CFAP46: variants seen among roughly 807,000 people sequenced by gnomAD.
CFAP46 encodes the protein cilia- and flagella-associated protein 46.
In CFAP46, 245 loss-of-function variants were observed where a neutral mutation model predicts 325.7. The ratio of observed to expected loss-of-function variants is 0.75; its 90% CI spans 0.68 to 0.84. CFAP46 has a LOEUF of 0.84. Among genes scored for constraint, CFAP46 ranks in the 40% least tolerant of loss-of-function variants. The pLI is 0.00. For missense variants in CFAP46, 3,346 were observed against 3,543.0 expected (o/e 0.94, Z 1.41); for synonymous variants, 1,523 against 1,495.9 (o/e 1.02, Z -0.42).
chr10:132,836,684 T>C lies in CFAP46; in HGVS notation c.6536+133A>G. 2.0e-5 allele frequency: 15 copies of C among 756,850 alleles called. No homozygotes were observed. In the South Asian group the frequency reaches 2.3e-4, roughly 12 times the overall value. The allele number at this position is 756,850 out of a possible 1,614,324, so 46.9% of individuals were successfully genotyped here. A position where few individuals can be genotyped will look rare whatever the true frequency, so the allele number is the denominator to read the frequency against. On this transcript the variant is annotated intron_variant, in intron 45 of 57. Transcript: ENST00000368586. Reference sequence around the variant, plus strand: ...TGTCTGTCCGGCACCTTCTTGGGACTGTCCGGGCGTTTCCCGAGTCCCAGG... The same window carrying C: ...TGTCTGTCCGGCACCTTCTTGGGACCGTCCGGGCGTTTCCCGAGTCCCAGG...
At position 132,869,021 on chromosome 10, in the gene CFAP46, CCT is replaced by C. The variant is rs1432075324; in HGVS notation, c.4610+251_4610+252del. Among the ~76,000 whole-genome samples the C allele has an allele frequency of 1.3e-5, 2 of 152,242 alleles. No homozygotes were observed. The highest frequency in any genetic ancestry group is 2.9e-5 in the Non-Finnish European group (2 of 68,042). On this transcript the variant is annotated intron_variant, in intron 33 of 57. Coordinates refer to ENST00000368586, the MANE Select transcript of CFAP46 (RefSeq NM_001200049.3). The surrounding 1 kb of genome is among the most constrained non-coding windows in gnomAD (Gnocchi z 6.2). The stretch of plus-strand genomic sequence containing the variant: ...AGGGCCCGGCAGCCAGCCTTTCTGT[CCT>C]CCGGGGAGGGGCTCGGGCCACCCTG...
intron 28 of CFAP46, 140 bp from the exon 29 acceptor site, chr10:132,879,771 G>A (rs763832037): frequency 3.9e-5 from 33 of 842,354 alleles, no homozygotes; most frequent in East Asian, 2.7e-4. Context: ...GCTGAGGGCC[G>A]GCAGCCAGGG....
At chr10:132,879,160 C>T (rs1419618522) in intron 29 of CFAP46, among the ~76,000 whole-genome samples, 5 of 152,130 alleles carry the variant, frequency 3.3e-5, no homozygotes, top group Admixed American at 2.6e-4. Context: ...CGAGCCCCTC[C>T]CTTGGGGAGT....
intron 41 of CFAP46, among the ~76,000 whole-genome samples, chr10:132,848,390 A>C (rs1430586252): frequency 2.0e-5 from 3 of 152,182 alleles, no homozygotes; most frequent in Middle Eastern, 3.2e-3. Flanking sequence ...GCAGAGAGAG[A>C]GCTGCCAGGC....
intron 16 of CFAP46, among the ~76,000 whole-genome samples, chr10:132,917,408 G>A (rs995883875): frequency 6.6e-5 from 10 of 152,256 alleles, no homozygotes; most frequent in African/African-American, 2.4e-4. Flanking sequence ...GGCTGGGTTT[G>A]GATCCCACTC....
chr10:132,907,686 T>G (rs1849475856), intron 22 of CFAP46, among the ~76,000 whole-genome samples: 1 of 152,154 alleles, frequency 6.6e-6, no homozygotes, highest in Admixed American at 6.5e-5. Context: ...CCGTGTCCCC[T>G]CAAAATTCCC....
rs1189125649 is a variant in CFAP46, at chr10:132,877,786, C to T, written c.4212+95G>A. ...CCGGGCCCGGCCTCTGCACTGAGGC[C>T]GCCTGGGGCTCCTCCGAGAACCCTG... On this transcript the variant is annotated intron_variant, in intron 30 of 57. Transcript: ENST00000368586. The surrounding 1 kb of genome is among the most constrained non-coding windows in gnomAD (Gnocchi z 5.7). 17 of 1,381,134 alleles carry T rather than the reference C, an allele frequency of 1.2e-5. No homozygotes were observed. The highest frequency in any genetic ancestry group is 2.6e-4 in the Middle Eastern group (1 of 3,898). The allele number at this position is 1,381,134 out of a possible 1,614,324, so 85.6% of individuals were successfully genotyped here. A position where few individuals can be genotyped will look rare whatever the true frequency, so the allele number is the denominator to read the frequency against.
intron 56 of CFAP46, 45 bp downstream of exon 56, chr10:132,810,905 T>C: frequency 1.3e-6 from 2 of 1,531,858 alleles, no homozygotes; most frequent in Non-Finnish European, 1.8e-6. Context: ...GTCTGACCTC[T>C]CCATCCTCAG....
chr10:132,810,694 G>T (rs112330579), intron 56 of CFAP46: 1 of 731,536 alleles, frequency 1.4e-6, no homozygotes. Flanking sequence ...CCGCCTCAAC[G>T]GGCTCCTCCA....
At chr10:132,834,536 G>T in intron 48 of CFAP46, 118 bp downstream of exon 48, 1 of 1,427,132 alleles carries the variant, frequency 7.0e-7, no homozygotes, top group Non-Finnish European at 9.4e-7. Context: ...GCGGCGCCGA[G>T]TCCTGAACAA....
chr10:132,932,255 C>CACG, intron 8 of CFAP46, among the ~76,000 whole-genome samples: 1 of 139,928 alleles, frequency 7.1e-6, no homozygotes, highest in Non-Finnish European at 1.6e-5. Flanking sequence ...GGGCCTTCCT[C>CACG]CTCCCCACAC....
intron 10 of CFAP46, among the ~76,000 whole-genome samples, chr10:132,925,914 A>G (rs945838042): frequency 1.1e-4 from 17 of 152,228 alleles, no homozygotes; most frequent in Non-Finnish European, 1.8e-4. Context: ...CCTGGCTGAC[A>G]GGGCCTGAGG....
intron 25 of CFAP46, among the ~76,000 whole-genome samples, chr10:132,887,427 T>C (rs1849163218): frequency 1.0e-5 from 1 of 96,790 alleles, no homozygotes; most frequent in African/African-American, 4.7e-5. Context: ...TCTCCTCCCC[T>C]CTTCTTTCCT....
At chr10:132,823,296 TTG>T (rs1163327539) in intron 50 of CFAP46, among the ~76,000 whole-genome samples, 1 of 102,150 alleles carries the variant, frequency 9.8e-6, no homozygotes, top group Non-Finnish European at 2.0e-5. Context: ...GTGCTGTGTG[TTG>T]TGTGTGCTGT....
At chr10:132,941,524 T>C in intron 3 of CFAP46, 67 bp downstream of exon 3, 1 of 1,555,300 alleles carries the variant, frequency 6.4e-7, no homozygotes, top group Non-Finnish European at 8.7e-7. Context: ...TGGTCTAGCC[T>C]GGCATTGCTC....
intron 8 of CFAP46, among the ~76,000 whole-genome samples, chr10:132,931,841 C>T (rs1310982421): frequency 7.0e-6 from 1 of 143,046 alleles, no homozygotes; most frequent in Non-Finnish European, 1.5e-5. Flanking sequence ...CCACACAGAG[C>T]CTGGGCCTCC....
chr10:132,821,309 TTGTGTGTGC>T (rs2134837232), intron 50 of CFAP46, among the ~76,000 whole-genome samples: 1 of 122,374 alleles, frequency 8.2e-6, no homozygotes, highest in African/African-American at 3.4e-5. Flanking sequence ...GTGCTGTGTG[TTGTGTGTGC>T]TGTGTGAGTG....
chr10:132,810,935 C>T lies in CFAP46; in HGVS notation c.7583+15G>A. Reference sequence around the variant, plus strand: ...CCTCAGCATCCCTGCCCACCCGTTCCAGGCAGCCAGGCACCTCCTGTGCTC... The same window carrying T: ...CCTCAGCATCCCTGCCCACCCGTTCTAGGCAGCCAGGCACCTCCTGTGCTC... On this transcript the variant is annotated intron_variant, in intron 56 of 57. Coordinates refer to ENST00000368586, the MANE Select transcript of CFAP46 (RefSeq NM_001200049.3). 1 of 1,581,410 alleles carries T rather than the reference C, an allele frequency of 6.3e-7. No homozygotes were observed. Among genetic ancestry groups the T allele is most frequent in the Non-Finnish European group, 8.6e-7 (1 of 1,162,910 alleles).
At chr10:132,916,120 T>C (rs1265320146) in intron 17 of CFAP46, among the ~76,000 whole-genome samples, 1 of 152,194 alleles carries the variant, frequency 6.6e-6, no homozygotes, top group African/African-American at 2.4e-5. Flanking sequence ...TCGATAGCTT[T>C]TCCCACAATA....
Sources: gnomAD v4.1 joint callset for allele counts (sites outside exome capture counted in the v4.1 genomes callset) on GRCh38, gnomAD v4.1.1 for gene constraint, Gnocchi (gnomAD v3.1) non-coding constraint, MANE v1.5 for transcripts, NCBI Gene and HGNC (gene_info 2026-07-23, HGNC 2026-07-21) for gene names.